Variants in DLC1 observed in about 807,000 individuals in gnomAD.
The protein encoded by DLC1 is DLC1 Rho GTPase activating protein.
DLC1 carries 54 observed loss-of-function variants against 140.3 expected under a neutral mutation model. The observed-to-expected ratio is 0.38, with a 90% CI of 0.31 to 0.48. The LOEUF is 0.48. Among genes scored for constraint, DLC1 ranks in the 20% least tolerant of loss-of-function variants. The pLI, the probability that DLC1 is intolerant of heterozygous loss-of-function variation, is 0.96. For missense variants in DLC1, 2,536 were observed against 1,907.0 expected (o/e 1.33, Z -6.14); for synonymous variants, 986 against 728.1 (o/e 1.35, Z -5.70).
In DLC1 at chr8:13,551,866, G is replaced by GTGTATA. The variant is rs377207513; in HGVS notation, c.-125-51671_-125-51670insTATACA. ...TATATGCACCTCTAGACAAGTGTGT[G>GTGTATA]TATATATATATATATAGACAGGTAT... On this transcript the variant is annotated intron_variant, in intron 1 of 1. Transcript: ENST00000631382. Among the ~76,000 whole-genome samples the GTGTATA allele has an allele frequency of 1.7e-3, 226 of 136,378 alleles. 3 individuals are homozygous for GTGTATA. The highest frequency in any genetic ancestry group is 8.8e-3 in the Middle Eastern group (2 of 228). The allele number at this position is 136,378 out of a possible 152,430, so 89.5% of individuals were successfully genotyped here.
intron 2 of DLC1, among the ~76,000 whole-genome samples, chr8:13,490,802 T>C (rs1279352359): frequency 1.3e-5 from 2 of 152,022 alleles, no homozygotes; most frequent in Non-Finnish European, 2.9e-5. Context: ...AAAGCTGATG[T>C]TGGGTTAATG....
chr8:13,295,481 A>G (rs1194799428), intron 5 of DLC1, among the ~76,000 whole-genome samples: 1 of 152,234 alleles, frequency 6.6e-6, no homozygotes, highest in African/African-American at 2.4e-5. Flanking sequence ...GCAGACAAGA[A>G]GATGGGCACC....
At chr8:13,575,014 A>G (rs1306346888) in intron 1 of DLC1, among the ~76,000 whole-genome samples, 1 of 152,238 alleles carries the variant, frequency 6.6e-6, no homozygotes, top group Non-Finnish European at 1.5e-5. Context: ...AGAAATAAAT[A>G]CACAAATAGT....
intron 4 of DLC1, among the ~76,000 whole-genome samples, chr8:13,316,796 A>AC (rs1420467519): frequency 1.3e-5 from 2 of 152,002 alleles, no homozygotes; most frequent in Non-Finnish European, 2.9e-5. Context: ...GCCACTACTA[A>AC]CCCCCAACTG....
At chr8:13,420,020 T>C (rs1353217209) in intron 2 of DLC1, among the ~76,000 whole-genome samples, 1 of 152,218 alleles carries the variant, frequency 6.6e-6, no homozygotes, top group Non-Finnish European at 1.5e-5. Flanking sequence ...TGTAGTATTC[T>C]CTGATGGTAG....
rs750232241 is a variant in DLC1, at chr8:13,090,488, G to A, written c.3856-18C>T. The A allele has an allele frequency of 1.2e-6, 2 of 1,612,512 alleles. No homozygotes were observed. Among genetic ancestry groups the A allele is most frequent in the East Asian group, 2.2e-5 (1 of 44,858 alleles). ...TCGGGAACCTGTGCGGAACATGACAGACAGAAAGGAGGTGAGTCCACCTGT... is the reference window on the plus strand; with the variant it reads ...TCGGGAACCTGTGCGGAACATGACAAACAGAAAGGAGGTGAGTCCACCTGT... On this transcript the variant is annotated intron_variant, in intron 14 of 17. Coordinates refer to ENST00000276297, the MANE Select transcript of DLC1 (RefSeq NM_182643.3).
In DLC1 at chr8:13,100,072, C is replaced by T. The variant is rs138749997; in HGVS notation, c.2265G>A (p.Thr755=). ...SQSETSSAVS[T]PSPVTRTRSL... is the part of the protein sequence containing the mutation. Reference sequence around the variant, plus strand: ...TCCGGGTCCTCGTAACAGGGCTGGGCGTGCTGACCGCGCTGCTGGTCTCCG... The same window carrying T: ...TCCGGGTCCTCGTAACAGGGCTGGGTGTGCTGACCGCGCTGCTGGTCTCCG... Residue 755 remains threonine (T), a synonymous_variant, in exon 9 of 18, where the codon ACG becomes ACA. Transcript: ENST00000276297. 1.9e-6 allele frequency: 3 copies of T among 1,613,448 alleles called. No homozygotes were observed. Among genetic ancestry groups the T allele is most frequent in the African/African-American group, 2.7e-5 (2 of 75,056 alleles).
At chr8:13,459,390 T>A (rs1799556150) in intron 2 of DLC1, among the ~76,000 whole-genome samples, 1 of 152,228 alleles carries the variant, frequency 6.6e-6, no homozygotes, top group South Asian at 2.1e-4. Flanking sequence ...TCTTCCTGAT[T>A]TTATTTTTCA....
intron 5 of DLC1, among the ~76,000 whole-genome samples, chr8:13,275,043 A>T (rs1442108574): frequency 6.6e-6 from 1 of 152,230 alleles, no homozygotes; most frequent in Non-Finnish European, 1.5e-5. Context: ...TCCTCTAAAC[A>T]ATAATAAAAT....
At chr8:13,487,730 G>T in intron 2 of DLC1, among the ~76,000 whole-genome samples, 1 of 151,966 alleles carries the variant, frequency 6.6e-6, no homozygotes, top group South Asian at 2.1e-4. Flanking sequence ...CCACCACCAT[G>T]TCCGGCTAAT....
At chr8:13,502,354 C>T in intron 1 of DLC1, among the ~76,000 whole-genome samples, 1 of 152,066 alleles carries the variant, frequency 6.6e-6, no homozygotes. Context: ...TAAGTGTACA[C>T]TTTTATTTTT....
chr8:13,105,491 G>C (rs1159140059), intron 7 of DLC1, among the ~76,000 whole-genome samples: 2 of 152,086 alleles, frequency 1.3e-5, no homozygotes, highest in African/African-American at 2.4e-5. Flanking sequence ...TTACAGATGA[G>C]GAAATGGGGC....
intron 7 of DLC1, among the ~76,000 whole-genome samples, chr8:13,103,995 A>T (rs1352719295): frequency 6.6e-6 from 1 of 152,158 alleles, no homozygotes; most frequent in African/African-American, 2.4e-5. Context: ...AAATTTAAAA[A>T]ATTAGTTTTA....
At chr8:13,527,848 G>A (rs945156383) in intron 1 of DLC1, among the ~76,000 whole-genome samples, 6 of 152,210 alleles carry the variant, frequency 3.9e-5, no homozygotes, top group African/African-American at 1.2e-4. Context: ...TTTAATGGAT[G>A]CTCACTAAGC....
chr8:13,305,999 T>C (rs1188165916), intron 4 of DLC1, among the ~76,000 whole-genome samples: 1 of 152,238 alleles, frequency 6.6e-6, no homozygotes, highest in Non-Finnish European at 1.5e-5. Flanking sequence ...TTATTTTTTC[T>C]GTGCACACAA....
At chr8:13,206,263 CA>C (rs1437224334) in intron 5 of DLC1, among the ~76,000 whole-genome samples, 1 of 152,108 alleles carries the variant, frequency 6.6e-6, no homozygotes, top group East Asian at 1.9e-4. Context: ...ACGTGGTTAG[CA>C]GGCTAAAATA....
chr8:13,550,565 C>T (rs1405853578), intron 1 of DLC1, among the ~76,000 whole-genome samples: 2 of 152,044 alleles, frequency 1.3e-5, no homozygotes, highest in Non-Finnish European at 2.9e-5. Context: ...TATACGGAGG[C>T]ATATGGTTTT....
At chr8:13,281,977 A>C (rs1831379645) in intron 5 of DLC1, among the ~76,000 whole-genome samples, 1 of 152,132 alleles carries the variant, frequency 6.6e-6, no homozygotes, top group African/African-American at 2.4e-5. Context: ...TTGTTTTCTC[A>C]TTTGCTAATG....
At chr8:13,340,295 G>T (rs1833985298) in intron 4 of DLC1, 1 of 152,278 alleles carries the variant, frequency 6.6e-6, no homozygotes, top group African/African-American at 2.4e-5. Flanking sequence ...CTGCCTCCCG[G>T]ATTCAAGCAA....
Sources: allele counts gnomAD v4.1 joint callset (sites outside exome capture counted in the v4.1 genomes callset), GRCh38; gene constraint gnomAD v4.1.1; transcripts MANE v1.5; gene names NCBI Gene and HGNC (gene_info 2026-07-23, HGNC 2026-07-21).